The following DKK2 variants were observed in gnomAD, a reference collection of about 807,000 sequenced individuals.
The protein encoded by DKK2 is dickkopf-related protein 2.
Under a neutral mutation model 28.1 loss-of-function variants are expected in DKK2, and 11 were observed. The ratio of observed to expected loss-of-function variants is 0.39; its 90% confidence interval spans 0.25 to 0.65. The LOEUF is 0.65. Ranked by LOEUF, DKK2 falls within the 30% of genes least tolerant of loss-of-function variation. The pLI is 0.47. For missense variants in DKK2, 326 were observed against 335.5 expected (o/e 0.97, Z 0.22); for synonymous variants, 135 against 126.5 (o/e 1.07, Z -0.45).
intron 1 of DKK2, among the ~76,000 whole-genome samples, chr4:107,011,599 T>C (rs1723518180): frequency 1.3e-5 from 2 of 151,512 alleles, no homozygotes; most frequent in South Asian, 4.1e-4. Context: ...ATAACTAAAA[T>C]ACGTGTATTC....
intron 1 of DKK2, among the ~76,000 whole-genome samples, chr4:106,937,137 G>T (rs1294184645): frequency 2.7e-5 from 4 of 150,520 alleles, no homozygotes; most frequent in African/African-American, 9.7e-5. Context: ...AAATGTAAAT[G>T]GACTAAATGC....
intron 1 of DKK2, among the ~76,000 whole-genome samples, chr4:106,988,016 C>T (rs1024304195): frequency 6.6e-6 from 1 of 152,142 alleles, no homozygotes; most frequent in Non-Finnish European, 1.5e-5. Context: ...AGGCACCCAC[C>T]ATCACGCCCG....
chr4:106,941,025 G>A (rs1724689754), intron 1 of DKK2, among the ~76,000 whole-genome samples: 1 of 151,856 alleles, frequency 6.6e-6, no homozygotes, highest in Admixed American at 6.6e-5. Context: ...GAGTTAGTGG[G>A]GGCAGCGCAC....
chr4:107,002,204 A>G (rs1723369889), intron 1 of DKK2, among the ~76,000 whole-genome samples: 1 of 152,258 alleles, frequency 6.6e-6, no homozygotes, highest in South Asian at 2.1e-4. Flanking sequence ...ACTAACTGCA[A>G]GACTGTTTCT....
chr4:106,982,657 A>T (rs1055675574), intron 1 of DKK2, among the ~76,000 whole-genome samples: 4 of 152,224 alleles, frequency 2.6e-5, no homozygotes, highest in African/African-American at 9.6e-5. Context: ...CTCATAGCAC[A>T]AAGGTGTCAA....
At chr4:107,025,540 G>A (rs1271797903) in intron 1 of DKK2, among the ~76,000 whole-genome samples, 1 of 152,062 alleles carries the variant, frequency 6.6e-6, no homozygotes, top group Non-Finnish European at 1.5e-5. Context: ...AAAAGCCACT[G>A]GCCTCTATCC....
intron 1 of DKK2, among the ~76,000 whole-genome samples, chr4:107,033,153 C>T (rs1008666837): frequency 1.3e-5 from 2 of 152,126 alleles, no homozygotes; most frequent in South Asian, 2.1e-4. Context: ...GCTATTCAAC[C>T]CAGTATTTTA....
At chr4:107,021,150 CAG>C (rs1410852504) in intron 1 of DKK2, among the ~76,000 whole-genome samples, 1 of 151,998 alleles carries the variant, frequency 6.6e-6, no homozygotes, top group African/African-American at 2.4e-5. Context: ...ATCCTTGACT[CAG>C]AATGTTTATT....
chr4:106,978,895 C>G (rs977107825), intron 1 of DKK2, among the ~76,000 whole-genome samples: 19 of 152,020 alleles, frequency 1.2e-4, no homozygotes, highest in Non-Finnish European at 2.2e-4. Context: ...GGTGTAGGCA[C>G]CCGAGGGAAT....
At chr4:107,006,619 G>T (rs557890459) in intron 1 of DKK2, among the ~76,000 whole-genome samples, 3 of 152,146 alleles carry the variant, frequency 2.0e-5, no homozygotes, top group Admixed American at 1.3e-4. Flanking sequence ...TGGCTGAATT[G>T]AGTGCAGGTG....
At chr4:106,939,902 C>T (rs1313615460) in intron 1 of DKK2, among the ~76,000 whole-genome samples, 17 of 152,074 alleles carry the variant, frequency 1.1e-4, no homozygotes, top group Non-Finnish European at 2.1e-4. Context: ...AACTGGCTAG[C>T]CATATGTAGA....
intron 1 of DKK2, among the ~76,000 whole-genome samples, chr4:106,994,485 T>C (rs73837508): frequency 3.7e-5 from 4 of 108,680 alleles, no homozygotes; most frequent in East Asian, 2.2e-4. Context: ...CACACACACA[T>C]GTACACCACA....
chr4:106,974,594 A>T (rs1168284171), intron 1 of DKK2, among the ~76,000 whole-genome samples: 1 of 152,208 alleles, frequency 6.6e-6, no homozygotes, highest in Non-Finnish European at 1.5e-5. Flanking sequence ...TTGATTTTGT[A>T]TCCTGAGACT....
intron 1 of DKK2, among the ~76,000 whole-genome samples, chr4:107,014,939 G>A (rs986539224): frequency 1.3e-5 from 2 of 151,330 alleles, no homozygotes; most frequent in African/African-American, 4.8e-5. Context: ...TTAACTCCCT[G>A]GTGTTAATCT....
intron 1 of DKK2, among the ~76,000 whole-genome samples, chr4:106,974,786 G>A (rs554986947): frequency 6.0e-4 from 92 of 152,268 alleles, no homozygotes; most frequent in African/African-American, 2.2e-3. Context: ...ATGTTGACTA[G>A]GAGTGGTGAG....
chr4:106,962,506 T>A (rs1434410715), intron 1 of DKK2, among the ~76,000 whole-genome samples: 3 of 91,874 alleles, frequency 3.3e-5, no homozygotes, highest in African/African-American at 1.5e-4. Context: ...TGTGTGTGTG[T>A]GTGTGTGTGT....
At chr4:106,980,077 C>T (rs1723006666) in intron 1 of DKK2, among the ~76,000 whole-genome samples, 2 of 152,118 alleles carry the variant, frequency 1.3e-5, no homozygotes, top group South Asian at 4.1e-4. Flanking sequence ...AAATGGTATG[C>T]TAGAAGAGCT....
intron 1 of DKK2, among the ~76,000 whole-genome samples, chr4:106,936,019 A>C (rs1724582219): frequency 6.6e-6 from 1 of 152,094 alleles, no homozygotes; most frequent in South Asian, 2.1e-4. Context: ...ATGGGGAAAA[A>C]ACAGAACAGA....
Position 106,923,911 on chromosome 4 carries a change from C to A in DKK2, c.*43G>T. The A allele has an allele frequency of 6.2e-7, 1 of 1,603,420 alleles. No homozygotes were observed. Among genetic ancestry groups the A allele is most frequent in the Non-Finnish European group, 8.5e-7 (1 of 1,171,830 alleles). On this transcript the variant is annotated 3_prime_UTR_variant, in exon 4 of 4. Coordinates refer to ENST00000285311, the MANE Select transcript of DKK2 (RefSeq NM_014421.3). ...CCACCATGCTATAATGCATTAAATACACAACTTCACAGTCTGCAATTGATG... is the reference window on the plus strand; with the variant it reads ...CCACCATGCTATAATGCATTAAATAAACAACTTCACAGTCTGCAATTGATG...
Sources: gnomAD v4.1 joint callset for allele counts (sites outside exome capture counted in the v4.1 genomes callset) on GRCh38, gnomAD v4.1.1 for gene constraint, MANE v1.5 for transcripts, NCBI Gene and HGNC (gene_info 2026-07-23, HGNC 2026-07-21) for gene names.